SUGCT: variants seen among roughly 807,000 people sequenced by gnomAD.
SUGCT encodes succinyl-CoA:glutarate-CoA transferase.
Under a neutral mutation model 55.0 loss-of-function variants are expected in SUGCT, and 41 were observed. The observed-to-expected ratio is 0.74, with a 90% CI of 0.58 to 0.97. SUGCT has a LOEUF of 0.97. SUGCT is among the 50% of genes least tolerant of loss of function. SUGCT has a pLI of 0.00. For synonymous variants in SUGCT, 187 were observed against 200.4 expected, an observed-to-expected ratio of 0.93 and a Z score of 0.56; for missense variants, 568 against 547.8, an observed-to-expected ratio of 1.04 and a Z score of -0.37.
chr7:40,400,646 A>G (rs990845901), intron 9 of SUGCT, among the ~76,000 whole-genome samples: 7 of 152,182 alleles, frequency 4.6e-5, no homozygotes, highest in South Asian at 4.1e-4. Flanking sequence ...GGAGCAGTGC[A>G]TAAACTGCTC....
At chr7:40,858,083 A>G (rs1439191393) in intron 13 of SUGCT, among the ~76,000 whole-genome samples, 1 of 152,154 alleles carries the variant, frequency 6.6e-6, no homozygotes. Flanking sequence ...GGAAATAAAG[A>G]TGACTGACAG....
intron 9 of SUGCT, among the ~76,000 whole-genome samples, chr7:40,434,739 CA>C (rs1788081827): frequency 6.6e-6 from 1 of 152,162 alleles, no homozygotes; most frequent in Non-Finnish European, 1.5e-5. Flanking sequence ...CTATAAAGAA[CA>C]AGTCCAGACC....
At chr7:40,364,376 T>C (rs1783813409) in intron 9 of SUGCT, among the ~76,000 whole-genome samples, 1 of 152,018 alleles carries the variant, frequency 6.6e-6, no homozygotes, top group Non-Finnish European at 1.5e-5. Flanking sequence ...GCTGGTTATT[T>C]TGCTCGTTAG....
At chr7:40,177,133 C>T (rs1392623343) in intron 1 of SUGCT, among the ~76,000 whole-genome samples, 1 of 152,092 alleles carries the variant, frequency 6.6e-6, no homozygotes, top group East Asian at 1.9e-4. Flanking sequence ...TCCATACTCA[C>T]ATACTTGAGT....
At chr7:40,682,028 A>C (rs552647423) in intron 12 of SUGCT, among the ~76,000 whole-genome samples, 2 of 152,262 alleles carry the variant, frequency 1.3e-5, no homozygotes, top group Admixed American at 1.3e-4. Context: ...GTTTTGACTA[A>C]CTTCCTTGGC....
chr7:40,551,451 C>T (rs1175357646), intron 12 of SUGCT, among the ~76,000 whole-genome samples: 1 of 152,168 alleles, frequency 6.6e-6, no homozygotes, highest in African/African-American at 2.4e-5. Context: ...AGCTGTCTTT[C>T]AAAGTTTGTA....
the SUGCT span, among the ~76,000 whole-genome samples, chr7:41,006,487 A>T: frequency 6.6e-6 from 1 of 152,238 alleles, no homozygotes; most frequent in East Asian, 1.9e-4. Context: ...TGCCATCAGA[A>T]ATAATGAAGT....
chr7:40,575,127 G>T (rs998413142), intron 12 of SUGCT, among the ~76,000 whole-genome samples: 14 of 112,992 alleles, frequency 1.2e-4, no homozygotes, highest in African/African-American at 4.4e-4. Context: ...GGCGGGGGTG[G>T]GGGTGGAGAT....
At chr7:40,960,396 C>G in the SUGCT span, among the ~76,000 whole-genome samples, 1 of 152,232 alleles carries the variant, frequency 6.6e-6, no homozygotes, top group East Asian at 1.9e-4. Flanking sequence ...TTAAATCAGT[C>G]ATGGTACATA....
In SUGCT at chr7:40,167,966, C is replaced by T. The variant is rs1584240281; in HGVS notation, c.101-12981C>T. 1.3e-5 allele frequency among the ~76,000 whole-genome samples: 2 copies of T among 152,338 alleles called. 1 individual carries two copies. Among genetic ancestry groups the T allele is most frequent in the South Asian group, 4.1e-4 (2 of 4,832 alleles). The stretch of plus-strand genomic sequence containing the variant: ...GAGGGGACCCAAAGGGGGTTGCCCA[C>T]TCCCGGCTCAAATGCCTGGGGTTTA... On this transcript the variant is annotated intron_variant, in intron 1 of 13. Coordinates refer to ENST00000335693, the MANE Select transcript of SUGCT (RefSeq NM_001193313.2).
chr7:40,353,481 A>C (rs1489392492), intron 9 of SUGCT, among the ~76,000 whole-genome samples: 2 of 152,194 alleles, frequency 1.3e-5, no homozygotes, highest in Admixed American at 1.3e-4. Flanking sequence ...AAAAACAACT[A>C]AATCAGTTTT....
chr7:40,925,673 A>G, the SUGCT span, among the ~76,000 whole-genome samples: 2 of 152,142 alleles, frequency 1.3e-5, no homozygotes, highest in Admixed American at 6.5e-5. Context: ...GCTGAACCGG[A>G]TACCAAGATA....
At chr7:40,748,371 TAATTA>T (rs1165470399) in intron 12 of SUGCT, among the ~76,000 whole-genome samples, 2 of 151,928 alleles carry the variant, frequency 1.3e-5, no homozygotes, top group African/African-American at 2.4e-5. Flanking sequence ...TAAAGATAGT[TAATTA>T]AATTGTAATA....
chr7:40,761,918 T>A (rs1403856157), intron 13 of SUGCT, among the ~76,000 whole-genome samples: 1 of 152,134 alleles, frequency 6.6e-6, no homozygotes, highest in Non-Finnish European at 1.5e-5. Context: ...AGCGTCAAAG[T>A]GGGTTCTTTC....
At chr7:40,258,430 G>A (rs1275206872) in intron 7 of SUGCT, among the ~76,000 whole-genome samples, 2 of 152,134 alleles carry the variant, frequency 1.3e-5, no homozygotes, top group African/African-American at 4.8e-5. Flanking sequence ...CCAGGCTGGA[G>A]TGCAATGGCG....
intron 9 of SUGCT, among the ~76,000 whole-genome samples, chr7:40,349,374 G>C (rs1562703465): frequency 6.6e-6 from 1 of 152,054 alleles, no homozygotes; most frequent in East Asian, 1.9e-4. Flanking sequence ...TTGTAACAGA[G>C]TCTTGGCTCT....
At chr7:40,365,413 G>A (rs1327183048) in intron 9 of SUGCT, among the ~76,000 whole-genome samples, 44 of 151,602 alleles carry the variant, frequency 2.9e-4, no homozygotes, top group Non-Finnish European at 5.0e-4. Context: ...TTCTGGCCAG[G>A]GCAATCAGGC....
the SUGCT span, among the ~76,000 whole-genome samples, chr7:41,020,930 A>T: frequency 2.6e-5 from 4 of 152,250 alleles, no homozygotes; most frequent in African/African-American, 9.6e-5. Context: ...TCACATTTAG[A>T]TAGATGTCCT....
intron 1 of SUGCT, among the ~76,000 whole-genome samples, chr7:40,161,074 C>T (rs1332703358): frequency 6.6e-6 from 1 of 152,122 alleles, no homozygotes; most frequent in African/African-American, 2.4e-5. Flanking sequence ...TTTGCTTCCC[C>T]TTCTCTATCT....
Sources: gnomAD v4.1 joint callset for allele counts (sites outside exome capture counted in the v4.1 genomes callset) on GRCh38, gnomAD v4.1.1 for gene constraint, MANE v1.5 for transcripts, NCBI Gene and HGNC (gene_info 2026-07-23, HGNC 2026-07-21) for gene names.